Variants in MAST4 observed in about 807,000 individuals in gnomAD.
The protein encoded by MAST4 is microtubule associated serine/threonine kinase family member 4, also known as microtubule-associated serine/threonine-protein kinase 4.
A neutral mutation model predicts 162.7 loss-of-function variants in MAST4; 89 were observed. That is an observed-to-expected ratio of 0.55 (90% CI 0.46 to 0.65). The LOEUF (loss-of-function observed/expected upper bound fraction) is 0.65. MAST4 is among the 30% of genes least tolerant of loss of function. The pLI is 0.00. For synonymous variants in MAST4, 1,479 were observed against 1,361.1 expected (o/e 1.09, Z -1.91); for missense variants, 3,153 against 3,374.0 (o/e 0.93, Z 1.62).
chr5:66,780,727 T>C (rs1038368438), intron 2 of MAST4, among the ~76,000 whole-genome samples: 2 of 146,186 alleles, frequency 1.4e-5, no homozygotes, highest in African/African-American at 4.9e-5. Context: ...ATTTGTCCAT[T>C]TTACAGAGTG....
At chr5:66,731,473 T>C (rs576409510) in intron 1 of MAST4, among the ~76,000 whole-genome samples, 1 of 152,242 alleles carries the variant, frequency 6.6e-6, no homozygotes, top group African/African-American at 2.4e-5. Context: ...AGTTAGGTTA[T>C]ATCTGCTTAT....
intron 4 of MAST4, among the ~76,000 whole-genome samples, chr5:66,914,251 T>A (rs924525417): frequency 6.6e-6 from 1 of 152,064 alleles, no homozygotes. Context: ...GTCTAAGAGA[T>A]GGATTAAAGA....
rs371358335 is a variant in MAST4, at chr5:67,147,040, G to T, written c.3094+1661G>T. Among the ~76,000 whole-genome samples the T allele has an allele frequency of 1.9e-4, 29 of 152,050 alleles. No individual in the cohort carries two copies. In the East Asian group the frequency reaches 4.2e-3, roughly 22 times the overall value. On this transcript the variant is annotated intron_variant, in intron 23 of 28. Coordinates refer to ENST00000403625, the MANE Select transcript of MAST4 (RefSeq NM_001164664.2). Reference sequence around the variant, plus strand: ...AGTCTCCTCAGCCTGCTCACTACCGGAAAGGTAGGAGGGGAAGGGAGGGGA... The same window carrying T: ...AGTCTCCTCAGCCTGCTCACTACCGTAAAGGTAGGAGGGGAAGGGAGGGGA...
intron 1 of MAST4, among the ~76,000 whole-genome samples, chr5:66,735,186 C>T (rs866192214): frequency 3.9e-4 from 60 of 152,272 alleles, no homozygotes; most frequent in African/African-American, 1.3e-3. Flanking sequence ...ATTATTTAAA[C>T]CATTGAAACT....
At chr5:66,941,342 A>G (rs1036841385) in intron 4 of MAST4, among the ~76,000 whole-genome samples, 2 of 152,172 alleles carry the variant, frequency 1.3e-5, no homozygotes, top group African/African-American at 2.4e-5. Context: ...TGTTTAGTGT[A>G]GCTAGATCTT....
intron 1 of MAST4, among the ~76,000 whole-genome samples, chr5:66,749,007 A>C (rs1160225169): frequency 2.0e-5 from 3 of 152,064 alleles, no homozygotes; most frequent in African/African-American, 7.2e-5. Flanking sequence ...ATGTTTTTCT[A>C]TTCTTTGAGT....
intron 1 of MAST4, among the ~76,000 whole-genome samples, chr5:66,693,776 G>A (rs983459301): frequency 2.1e-5 from 2 of 95,160 alleles, no homozygotes; most frequent in African/African-American, 1.1e-4. Flanking sequence ...CTAGATGGGG[G>A]TGCCTTTAGA....
intron 1 of MAST4, 31 bp downstream of exon 1, chr5:66,597,049 G>A: frequency 7.2e-7 from 1 of 1,398,164 alleles, no homozygotes; most frequent in East Asian, 3.0e-5. Flanking sequence ...CCCACTCTGG[G>A]TTCCGGCAGC....
intron 5 of MAST4, among the ~76,000 whole-genome samples, chr5:67,067,635 CTG>C (rs1318858563): frequency 6.6e-6 from 1 of 152,128 alleles, no homozygotes; most frequent in African/African-American, 2.4e-5. Context: ...TTGCAGTAGT[CTG>C]TGATATTTTC....
intron 4 of MAST4, among the ~76,000 whole-genome samples, chr5:66,946,456 T>TAA (rs1198894540): frequency 3.3e-5 from 5 of 152,148 alleles, no homozygotes; most frequent in African/African-American, 1.2e-4. Context: ...AATAAATAAA[T>TAA]GAATTCTATT....
At chr5:66,749,032 A>T (rs796357998) in intron 1 of MAST4, among the ~76,000 whole-genome samples, 4 of 152,194 alleles carry the variant, frequency 2.6e-5, no homozygotes, top group African/African-American at 7.2e-5. Context: ...TAGAACAGAG[A>T]TAAGAGTGCC....
intron 4 of MAST4, among the ~76,000 whole-genome samples, chr5:66,950,644 T>G (rs1437390166): frequency 1.3e-5 from 2 of 152,208 alleles, no homozygotes; most frequent in Admixed American, 6.5e-5. Context: ...CTGAATAATA[T>G]TCTATTGTAT....
intron 4 of MAST4, among the ~76,000 whole-genome samples, chr5:66,900,429 A>G (rs1272848487): frequency 6.6e-6 from 1 of 152,132 alleles, no homozygotes; most frequent in Non-Finnish European, 1.5e-5. Flanking sequence ...TCTAGATCTT[A>G]TTGAACTGAT....
intron 4 of MAST4, among the ~76,000 whole-genome samples, chr5:67,039,769 G>A (rs529236340): frequency 6.6e-6 from 1 of 152,230 alleles, no homozygotes; most frequent in East Asian, 1.9e-4. Flanking sequence ...TCTACACACA[G>A]ATCCCTCTCC....
intron 4 of MAST4, among the ~76,000 whole-genome samples, chr5:66,928,888 G>A (rs1451513928): frequency 6.6e-6 from 1 of 152,182 alleles, no homozygotes; most frequent in Admixed American, 6.5e-5. Flanking sequence ...TGATTCCCCT[G>A]AAGTGAAGGA....
At chr5:67,101,575 A>G (rs1243398762) in intron 8 of MAST4, among the ~76,000 whole-genome samples, 2 of 152,152 alleles carry the variant, frequency 1.3e-5, no homozygotes, top group African/African-American at 4.8e-5. Context: ...GTGCACTTTG[A>G]TATATTAAGG....
At chr5:67,106,871 T>C (rs906309636) in intron 10 of MAST4, among the ~76,000 whole-genome samples, 24 of 152,234 alleles carry the variant, frequency 1.6e-4, no homozygotes, top group East Asian at 5.8e-4. Context: ...TATCGGTTCC[T>C]CAGAAACCAT....
intron 4 of MAST4, among the ~76,000 whole-genome samples, chr5:66,915,955 T>C (rs1764091368): frequency 6.6e-6 from 1 of 152,226 alleles, no homozygotes; most frequent in Admixed American, 6.5e-5. Context: ...GTTTCTAGCA[T>C]TACCATCATT....
intron 26 of MAST4, among the ~76,000 whole-genome samples, chr5:67,159,692 G>A (rs761247116): frequency 2.6e-5 from 4 of 152,084 alleles, no homozygotes; most frequent in Non-Finnish European, 5.9e-5. Flanking sequence ...GGCCCCCCTC[G>A]GCCTGACTGC....
Sources: gnomAD v4.1 joint callset for allele counts (sites outside exome capture counted in the v4.1 genomes callset) on GRCh38, gnomAD v4.1.1 for gene constraint, MANE v1.5 for transcripts, NCBI Gene and HGNC (gene_info 2026-07-23, HGNC 2026-07-21) for gene names.